Variants in RMST observed in about 807,000 individuals in gnomAD.
RMST encodes long intergenic non-protein coding RNA 54.
chr12:97,535,499 A>C (rs1178416325), intron 11 of RMST, among the ~76,000 whole-genome samples: 3 of 151,686 alleles, frequency 2.0e-5, no homozygotes, highest in Admixed American at 2.0e-4. Context: ...TACTCCCCCC[A>C]ATCCAGTGAG....
chr12:97,472,735 A>G (rs1392512198), intron 5 of RMST, among the ~76,000 whole-genome samples: 1 of 152,150 alleles, frequency 6.6e-6, no homozygotes, highest in East Asian at 1.9e-4. Flanking sequence ...GAATTTCTAC[A>G]TGGTTTGGAA....
At chr12:97,479,461 G>A (rs1014014717) in intron 5 of RMST, among the ~76,000 whole-genome samples, 2 of 152,096 alleles carry the variant, frequency 1.3e-5, no homozygotes, top group East Asian at 3.9e-4. Flanking sequence ...TCTTTACTTT[G>A]TTTTACAATT....
At chr12:97,531,528 C>T (rs774122106) in intron 11 of RMST, among the ~76,000 whole-genome samples, 1 of 151,872 alleles carries the variant, frequency 6.6e-6, no homozygotes, top group Non-Finnish European at 1.5e-5. Context: ...GATAGTCTTC[C>T]TGTATTGCTA....
chr12:97,512,976 G>A (rs1879551654), intron 10 of RMST, among the ~76,000 whole-genome samples: 1 of 152,246 alleles, frequency 6.6e-6, no homozygotes, highest in African/African-American at 2.4e-5. Context: ...CACAGCAGCT[G>A]CTAGCCCAGG....
chr12:97,467,949 A>G (rs1235780730), intron 5 of RMST, among the ~76,000 whole-genome samples: 1 of 152,002 alleles, frequency 6.6e-6, no homozygotes, highest in Non-Finnish European at 1.5e-5. Flanking sequence ...TTATTTGTGT[A>G]ATTCAATAAA....
At chr12:97,551,966 T>G (rs1033176573) in intron 11 of RMST, 12 of 152,156 alleles carry the variant, frequency 7.9e-5, no homozygotes, top group African/African-American at 2.7e-4. Context: ...CATTGAAATG[T>G]TGGATGAACG....
intron 5 of RMST, among the ~76,000 whole-genome samples, chr12:97,475,577 C>CT (rs895357379): frequency 6.5e-4 from 83 of 126,970 alleles, no homozygotes; most frequent in Admixed American, 2.6e-3. Context: ...ACCTTAGTAT[C>CT]TTTTTTTTTG....
intron 11 of RMST, among the ~76,000 whole-genome samples, chr12:97,551,172 A>T (rs10128841): frequency 0.14 from 14,290 of 103,078 alleles, 1,208 homozygotes; most frequent in African/African-American, 0.31. Context: ...CATTGTTTTT[A>T]AAAAAAAAAA....
chr12:97,562,900 T>C (rs892460236), intron 13 of RMST, among the ~76,000 whole-genome samples: 4 of 152,200 alleles, frequency 2.6e-5, no homozygotes, highest in African/African-American at 9.6e-5. Context: ...TTATTTGAAT[T>C]TGAATAATGC....
chr12:97,564,235 G>T, exon 14 of RMST: 1 of 174,506 alleles, frequency 5.7e-6, no homozygotes, highest in Non-Finnish European at 1.2e-5. Flanking sequence ...CACCTGTTGA[G>T]GTCTTTCTTC....
chr12:97,483,615 G>A (rs1417971522), intron 5 of RMST: 1 of 152,138 alleles, frequency 6.6e-6, no homozygotes, highest in African/African-American at 2.4e-5. Context: ...TACACTCAGT[G>A]TTCTCTATGT....
intron 11 of RMST, chr12:97,532,581 T>A (rs1005864297): frequency 6.6e-6 from 1 of 151,454 alleles, no homozygotes; most frequent in Non-Finnish European, 1.5e-5. Context: ...CAGAACTCTG[T>A]TGGAGTATTG....
intron 10 of RMST, among the ~76,000 whole-genome samples, chr12:97,505,539 C>T (rs1878574099): frequency 6.6e-6 from 1 of 152,192 alleles, no homozygotes; most frequent in Non-Finnish European, 1.5e-5. Context: ...TTCATGCAAA[C>T]CGTAAATATA....
chr12:97,556,820 G>A (rs765046557), intron 11 of RMST, among the ~76,000 whole-genome samples: 16 of 152,216 alleles, frequency 1.1e-4, no homozygotes, highest in Middle Eastern at 3.4e-3. Flanking sequence ...AAGTTTGATC[G>A]TCATAAGATA....
chr12:97,475,149 C>G (rs1026446329), intron 5 of RMST, among the ~76,000 whole-genome samples: 1 of 152,148 alleles, frequency 6.6e-6, no homozygotes, highest in Non-Finnish European at 1.5e-5. Flanking sequence ...TGTCAGTAAT[C>G]AGTGAGTTTC....
intron 11 of RMST, among the ~76,000 whole-genome samples, chr12:97,559,569 A>C (rs961197082): frequency 6.6e-6 from 1 of 152,158 alleles, no homozygotes; most frequent in African/African-American, 2.4e-5. Flanking sequence ...GTAATATTAT[A>C]GTCAGGAATA....
chr12:97,472,317 C>A (rs531715712), intron 5 of RMST, among the ~76,000 whole-genome samples: 2 of 152,096 alleles, frequency 1.3e-5, no homozygotes, highest in African/African-American at 4.8e-5. Context: ...TACATGGACT[C>A]TCATCAGATG....
At chr12:97,507,672 A>C (rs952196584) in intron 10 of RMST, among the ~76,000 whole-genome samples, 1 of 152,168 alleles carries the variant, frequency 6.6e-6, no homozygotes, top group African/African-American at 2.4e-5. Flanking sequence ...CCTGGTGGAG[A>C]TCTCCAGAGG....
At chr12:97,563,952 G>T (rs1289279941) in intron 13 of RMST, 1 of 469,358 alleles carries the variant, frequency 2.1e-6, no homozygotes, top group South Asian at 1.5e-5. Flanking sequence ...ACGTTAGCCT[G>T]TGGAGCTGTG....
Sources: allele counts gnomAD v4.1 joint callset (sites outside exome capture counted in the v4.1 genomes callset), GRCh38; gene constraint gnomAD v4.1.1; transcripts MANE v1.5; gene names NCBI Gene and HGNC (gene_info 2026-07-23, HGNC 2026-07-21).